ATXN2: variants seen among roughly 807,000 people sequenced by gnomAD.
The protein encoded by ATXN2 is ataxin 2.
Under a neutral mutation model 138.6 loss-of-function variants are expected in ATXN2, and 37 were observed. The observed-to-expected ratio is 0.27, with a 90% CI of 0.21 to 0.35. The LOEUF (loss-of-function observed/expected upper bound fraction) is 0.35. Among genes scored for constraint, ATXN2 ranks in the 10% least tolerant of loss-of-function variants. ATXN2 has a pLI of 1.00. For missense variants in ATXN2, 1,216 were observed against 1,480.3 expected (o/e 0.82, Z 2.93); for synonymous variants, 549 against 543.7 (o/e 1.01, Z -0.13).
chr12:111,462,800 AG>A (rs1875676802), intron 21 of ATXN2, among the ~76,000 whole-genome samples: 1 of 152,214 alleles, frequency 6.6e-6, no homozygotes, highest in Non-Finnish European at 1.5e-5. Flanking sequence ...CCTCAAATTG[AG>A]TACATAATAA....
chr12:111,457,288 G>A lies in ATXN2; in HGVS notation c.2968C>T (p.Gln990Ter). The change falls in exon 22 of 25, where the codon CAG becomes TAG. Residue 990 changes from glutamine to a stop codon, truncating the protein, a stop_gained. Coordinates refer to ENST00000673436, the MANE Select transcript of ATXN2 (RefSeq NM_001372574.1). LOFTEE classifies it high-confidence loss of function. ...ATLHPHTPHPQPSATPTGQQQ... is the reference protein window; with the variant it reads ...ATLHPHTPHP The stretch of plus-strand genomic sequence containing the variant: ...TGTCCAGTGGGGGTAGCTGAAGGCT[G>A]AGGGTGTGGAGTATGTGGGTGCAGG... The A allele has an allele frequency of 6.2e-7, 1 of 1,614,040 alleles. No homozygotes were observed. Among genetic ancestry groups the A allele is most frequent in the East Asian group, 2.2e-5 (1 of 44,894 alleles).
chr12:111,544,088 G>GA (rs910073309), intron 5 of ATXN2, among the ~76,000 whole-genome samples: 6 of 151,660 alleles, frequency 4.0e-5, no homozygotes, highest in Admixed American at 6.6e-5. Context: ...TTAAAAAAAA[G>GA]AAAAAAAATT....
At chr12:111,559,225 C>T (rs1161704319) in intron 1 of ATXN2, among the ~76,000 whole-genome samples, 2 of 151,366 alleles carry the variant, frequency 1.3e-5, no homozygotes, top group Non-Finnish European at 2.9e-5. Context: ...CTCCGCCTCC[C>T]AGGTAGCTAG....
At chr12:111,454,752 T>C (rs1362617197) in intron 23 of ATXN2, 2 of 378,856 alleles carry the variant, frequency 5.3e-6, no homozygotes, top group African/African-American at 2.0e-5. Context: ...AAATTTGAGC[T>C]TCCCTGTGTT....
chr12:111,564,777 G>A (rs564597229), intron 1 of ATXN2: 24 of 152,272 alleles, frequency 1.6e-4, no homozygotes, highest in African/African-American at 5.1e-4. Flanking sequence ...GAAAGATAAA[G>A]TTGTTTATTA....
At chr12:111,475,634 G>A (rs559984460) in intron 18 of ATXN2, among the ~76,000 whole-genome samples, 2 of 151,244 alleles carry the variant, frequency 1.3e-5, no homozygotes, top group East Asian at 2.0e-4. Flanking sequence ...AGAATTACAG[G>A]TGCCTGCCAC....
upstream of ATXN2, chr12:111,599,479 C>G (rs1795949004): frequency 1.6e-6 from 2 of 1,214,604 alleles, no homozygotes; most frequent in East Asian, 3.4e-5. Context: ...CGGTGGCCAC[C>G]GCGGGACTCC....
At chr12:111,555,155 A>G (rs923051925) in intron 2 of ATXN2, among the ~76,000 whole-genome samples, 8 of 152,298 alleles carry the variant, frequency 5.3e-5, no homozygotes, top group South Asian at 4.2e-4. Flanking sequence ...AAAGCAGCAG[A>G]AAAAAAGCAC....
chr12:111,596,205 AACAC>A (rs35316415), intron 1 of ATXN2, among the ~76,000 whole-genome samples: 1,661 of 141,390 alleles, frequency 0.012, 20 homozygotes, highest in South Asian at 0.025. Flanking sequence ...TTCCATCCAA[AACAC>A]ACACACACAC....
intron 14 of ATXN2, among the ~76,000 whole-genome samples, chr12:111,507,526 C>CTGGGAGGGAGGTGGGGGGT (rs1566031465): frequency 6.6e-6 from 1 of 151,250 alleles, no homozygotes; most frequent in African/African-American, 2.4e-5. Flanking sequence ...GCCGCCCCAT[C>CTGGGAGGGAGGTGGGGGGT]CGGGAGGGAG....
At chr12:111,517,664 T>C (rs1879930138) in intron 9 of ATXN2, among the ~76,000 whole-genome samples, 1 of 152,166 alleles carries the variant, frequency 6.6e-6, no homozygotes, top group Non-Finnish European at 1.5e-5. Flanking sequence ...AGGTTTCTTT[T>C]ACTTAAGTTG....
intron 1 of ATXN2, among the ~76,000 whole-genome samples, chr12:111,587,214 T>G (rs1884394643): frequency 6.6e-6 from 1 of 152,154 alleles, no homozygotes; most frequent in African/African-American, 2.4e-5. Context: ...ACAGCAAATG[T>G]TTATAAACCC....
At chr12:111,558,694 G>A (rs1356634347) in intron 1 of ATXN2, among the ~76,000 whole-genome samples, 1 of 152,140 alleles carries the variant, frequency 6.6e-6, no homozygotes, top group Admixed American at 6.6e-5. Flanking sequence ...CTACTTGGTA[G>A]GGTGAGGTGG....
intron 14 of ATXN2, among the ~76,000 whole-genome samples, chr12:111,505,988 A>G (rs1879080993): frequency 6.6e-6 from 1 of 152,262 alleles, no homozygotes; most frequent in African/African-American, 2.4e-5. Flanking sequence ...TATTATCCAC[A>G]TCAAGGAATA....
intron 1 of ATXN2, among the ~76,000 whole-genome samples, chr12:111,578,184 G>A (rs553514026): frequency 2.6e-5 from 4 of 152,176 alleles, no homozygotes; most frequent in African/African-American, 4.8e-5. Context: ...GCGATAGAGC[G>A]AGACTCCATC....
At chr12:111,472,835 A>G (rs1372072717) in intron 18 of ATXN2, among the ~76,000 whole-genome samples, 1 of 152,028 alleles carries the variant, frequency 6.6e-6, no homozygotes, top group African/African-American at 2.4e-5. Context: ...CTGCCTCCCA[A>G]AGAGGTGGGA....
At chr12:111,569,303 G>A (rs1883188326) in intron 1 of ATXN2, among the ~76,000 whole-genome samples, 2 of 152,144 alleles carry the variant, frequency 1.3e-5, no homozygotes, top group South Asian at 2.1e-4. Context: ...TTTTCATAAG[G>A]TTGTGGAAAT....
intron 5 of ATXN2, among the ~76,000 whole-genome samples, chr12:111,532,164 A>G (rs991859025): frequency 6.6e-6 from 1 of 151,416 alleles, no homozygotes; most frequent in Non-Finnish European, 1.5e-5. Flanking sequence ...CAGAGCGGAT[A>G]CCATATCAAG....
chr12:111,597,195 T>G (rs1158556338), intron 1 of ATXN2, among the ~76,000 whole-genome samples: 1 of 152,138 alleles, frequency 6.6e-6, no homozygotes, highest in African/African-American at 2.4e-5. Context: ...ACCGACTGTT[T>G]CCGCCCCCTT....
Sources: gnomAD v4.1 joint callset for allele counts (sites outside exome capture counted in the v4.1 genomes callset) on GRCh38, gnomAD v4.1.1 for gene constraint, MANE v1.5 for transcripts, NCBI Gene and HGNC (gene_info 2026-07-23, HGNC 2026-07-21) for gene names.